SDAD1: variants seen among roughly 807,000 people sequenced by gnomAD.
The protein encoded by SDAD1 is SDA1 domain containing 1, also known as protein SDA1 homolog.
A neutral mutation model predicts 100.3 loss-of-function variants in SDAD1; 79 were observed. That is an observed-to-expected ratio of 0.79 (90% CI 0.66 to 0.95). SDAD1 has a LOEUF of 0.95. SDAD1 is among the 40% of genes least tolerant of loss of function. The pLI, the probability that SDAD1 is intolerant of heterozygous loss-of-function variation, is 0.00. For synonymous variants in SDAD1, 267 were observed against 271.4 expected (o/e 0.98, Z 0.16); for missense variants, 790 against 810.9 (o/e 0.97, Z 0.31).
chr4:75,980,442 T>C (rs1730433609), intron 3 of SDAD1, among the ~76,000 whole-genome samples: 1 of 152,244 alleles, frequency 6.6e-6, no homozygotes, highest in South Asian at 2.1e-4. Context: ...GTACGTTTTG[T>C]GATCATATTT....
intron 1 of SDAD1, among the ~76,000 whole-genome samples, chr4:75,982,802 T>A (rs2149330169): frequency 6.6e-6 from 1 of 150,826 alleles, no homozygotes; most frequent in East Asian, 2.0e-4. Flanking sequence ...CCACCCCTTT[T>A]TAAAAATTAT....
rs775925216 is a variant in SDAD1, at chr4:75,960,157, T to C, written c.1392A>G (p.Val464=). The part of the protein sequence containing the change: ...KPTEASIEAR[V]QEYGELDAKD... Reference sequence around the variant, plus strand: ...TAGCATCTAATTCTCCATATTCTTGTACTCTTGCTTCTATGGAGGCCTCTG... The same window carrying C: ...TAGCATCTAATTCTCCATATTCTTGCACTCTTGCTTCTATGGAGGCCTCTG... The change falls in exon 17 of 22, where the codon GTA becomes GTG. Residue 464 remains valine (V), a synonymous_variant. Transcript: ENST00000356260. 1.2e-6 allele frequency: 2 copies of C among 1,610,354 alleles called. No individual in the cohort carries two copies. The highest frequency in any genetic ancestry group is 4.5e-5 in the East Asian group (2 of 44,750).
chr4:75,967,306 A>G lies in SDAD1; in HGVS notation c.1016T>C (p.Leu339Ser). ...TTGGTGGGGCTGCAGAAACCTTTGCAAAAAGGGATAGAAATTGAAGAGGAA... is the reference window on the plus strand; with the variant it reads ...TTGGTGGGGCTGCAGAAACCTTTGCGAAAAGGGATAGAAATTGAAGAGGAA... ...ELFLFNFYPF[L>S]QRFLQPHQRE... is the part of the protein sequence containing the mutation. The change falls in exon 12 of 22, where the codon TTG becomes TCG. Residue 339 changes from leucine (L) to serine (S), a missense_variant. Physicochemically the swap from Leu to Ser is moderately radical, Grantham distance 145. Coordinates refer to ENST00000356260, the MANE Select transcript of SDAD1 (RefSeq NM_018115.4). 6.2e-7 allele frequency: 1 copy of G among 1,614,010 alleles called. No homozygotes were observed. The highest frequency in any genetic ancestry group is 8.5e-7 in the Non-Finnish European group (1 of 1,179,978).
chr4:75,979,662 T>C (rs1453081971), intron 3 of SDAD1, among the ~76,000 whole-genome samples: 1 of 151,704 alleles, frequency 6.6e-6, no homozygotes, highest in Non-Finnish European at 1.5e-5. Context: ...TCCATGTAGG[T>C]CAGGCTGGTC....
At position 75,975,996 on chromosome 4, in the gene SDAD1, C is replaced by A; in HGVS notation, c.406-1G>T. 1 of 1,590,778 alleles carries A rather than the reference C, an allele frequency of 6.3e-7. No homozygotes were observed. On this transcript the variant is annotated splice_acceptor_variant, in intron 4 of 21. Transcript: ENST00000356260. LOFTEE classifies it high-confidence loss of function. Reference sequence around the variant, plus strand: ...CAGTCACAATATGTGTGTATAAAGTCTGAGGAAAAGAAACAAAAATATATA... The same window carrying A: ...CAGTCACAATATGTGTGTATAAAGTATGAGGAAAAGAAACAAAAATATATA...
In SDAD1 at chr4:75,990,904, C is replaced by T. The variant is rs1354073593; in HGVS notation, c.-63G>A. ...AAAAACTCAGACGGCCGGCACCCCG[C>T]AATCCCTGCCAGCTGCAGCTTGGAC... On this transcript the variant is annotated 5_prime_UTR_variant, in exon 1 of 22. Transcript: ENST00000356260. 6.3e-7 allele frequency: 1 copy of T among 1,595,732 alleles called. No homozygotes were observed. Among genetic ancestry groups the T allele is most frequent in the African/African-American group, 1.3e-5 (1 of 74,592 alleles).
At chr4:75,953,843 T>G (rs17001275) in intron 21 of SDAD1, among the ~76,000 whole-genome samples, 3 of 152,164 alleles carry the variant, frequency 2.0e-5, no homozygotes, top group African/African-American at 7.2e-5. Context: ...GAGAGAAAGA[T>G]ACAAAAGCAT....
At chr4:75,973,235 C>A (rs1291265920) in intron 8 of SDAD1, 82 bp downstream of exon 8, 1 of 1,115,962 alleles carries the variant, frequency 9.0e-7, no homozygotes, top group Non-Finnish European at 1.3e-6. Flanking sequence ...TTCTTTCTAA[C>A]TTCAGCAGTC....
chr4:75,988,356 C>T (rs767814674), intron 1 of SDAD1, among the ~76,000 whole-genome samples: 4 of 152,164 alleles, frequency 2.6e-5, no homozygotes, highest in Non-Finnish European at 5.9e-5. Flanking sequence ...ACCAGGCATA[C>T]CTACCCCAAG....
At chr4:75,958,596 A>G (rs1335950614) in intron 17 of SDAD1, among the ~76,000 whole-genome samples, 1 of 152,184 alleles carries the variant, frequency 6.6e-6, no homozygotes, top group Non-Finnish European at 1.5e-5. Flanking sequence ...TGTCTGGCAT[A>G]TACATAACCA....
At position 75,957,310 on chromosome 4, in the gene SDAD1, G is replaced by A; in HGVS notation, c.1854+15C>T. The A allele has an allele frequency of 6.2e-7, 1 of 1,603,656 alleles. No individual in the cohort carries two copies. Among genetic ancestry groups the A allele is most frequent in the Non-Finnish European group, 8.5e-7 (1 of 1,173,134 alleles). ...GCTTTCTGTTTAAAAAACTAGGAAT[G>A]ATATGCTCACTCACCATTGCAGTTG... is the stretch of plus-strand genomic sequence containing the variant. On this transcript the variant is annotated intron_variant, in intron 20 of 21. Transcript: ENST00000356260.
intron 11 of SDAD1, among the ~76,000 whole-genome samples, 158 bp from the exon 12 acceptor site, chr4:75,967,492 T>A (rs777469752): frequency 6.6e-6 from 1 of 152,226 alleles, no homozygotes; most frequent in Non-Finnish European, 1.5e-5. Context: ...ATATGCTATA[T>A]TAACCAAGGC....
intron 3 of SDAD1, among the ~76,000 whole-genome samples, chr4:75,980,031 TG>T (rs1730409274): frequency 6.6e-6 from 1 of 152,158 alleles, no homozygotes. Context: ...CAGACCAGTT[TG>T]GTGGGGTACT....
intron 3 of SDAD1, among the ~76,000 whole-genome samples, chr4:75,978,982 GAAAAAAAAAAAAAAAAA>G (rs538009004): frequency 2.6e-5 from 1 of 38,036 alleles, no homozygotes; most frequent in Admixed American, 4.2e-4. Flanking sequence ...CCCTGTCTCA[GAAAAAAAAAAAAAAAAA>G]AAAAAAAAAA....
intron 1 of SDAD1, among the ~76,000 whole-genome samples, chr4:75,984,712 GCTAA>G (rs1730765063): frequency 6.6e-6 from 1 of 150,704 alleles, no homozygotes; most frequent in Admixed American, 6.7e-5. Flanking sequence ...ATGCCTTACA[GCTAA>G]CTACTCTCCA....
At chr4:75,962,540 C>A (rs1371666191) in intron 14 of SDAD1, among the ~76,000 whole-genome samples, 1 of 152,184 alleles carries the variant, frequency 6.6e-6, no homozygotes, top group Non-Finnish European at 1.5e-5. Flanking sequence ...TCCTATTTCT[C>A]CACATCCTCT....
chr4:75,977,073 G>A (rs1730196081), intron 4 of SDAD1, among the ~76,000 whole-genome samples: 1 of 152,152 alleles, frequency 6.6e-6, no homozygotes. Flanking sequence ...TTGTAGGTGT[G>A]AGCCACAGTG....
At chr4:75,966,312 A>ACT (rs1553918835) in intron 12 of SDAD1, among the ~76,000 whole-genome samples, 2,051 of 135,702 alleles carry the variant, frequency 0.015, 53 homozygotes, top group East Asian at 0.051. Flanking sequence ...ACACACACAC[A>ACT]CTGTCTCTTT....
At chr4:75,990,565 C>T (rs1477017082) in intron 1 of SDAD1, 187 bp downstream of exon 1, 2 of 1,233,154 alleles carry the variant, frequency 1.6e-6, no homozygotes, top group African/African-American at 1.5e-5. Flanking sequence ...AACAGATTTT[C>T]AAGAGGTGGG....
Sources: gnomAD v4.1 joint callset for allele counts (sites outside exome capture counted in the v4.1 genomes callset) on GRCh38, gnomAD v4.1.1 for gene constraint, MANE v1.5 for transcripts, NCBI Gene and HGNC (gene_info 2026-07-23, HGNC 2026-07-21) for gene names.